ADGRL2: variants seen among roughly 807,000 people sequenced by gnomAD.
ADGRL2 encodes adhesion G protein-coupled receptor L2.
In ADGRL2, 44 loss-of-function variants were observed where a neutral mutation model predicts 157.4. That is an observed-to-expected ratio of 0.28 (90% CI 0.22 to 0.36). The LOEUF is 0.36. Among genes scored for constraint, ADGRL2 ranks in the 10% least tolerant of loss-of-function variants. ADGRL2 has a pLI of 1.00. For missense variants in ADGRL2, 1,510 were observed against 1,768.9 expected (o/e 0.85, Z 2.63); for synonymous variants, 585 against 624.7 (o/e 0.94, Z 0.95).
chr1:81,755,226 A>G (rs2085647642), intron 1 of ADGRL2, among the ~76,000 whole-genome samples: 1 of 149,146 alleles, frequency 6.7e-6, no homozygotes, highest in African/African-American at 2.4e-5. Context: ...AGATATATAC[A>G]TATATCTTCA....
chr1:81,859,504 T>C (rs2093323280), intron 2 of ADGRL2, among the ~76,000 whole-genome samples: 1 of 150,182 alleles, frequency 6.7e-6, no homozygotes, highest in Non-Finnish European at 1.5e-5. Flanking sequence ...CCTTCTGGGC[T>C]CAAGCAGTCC....
chr1:81,395,327 C>CT lies in ADGRL2; in HGVS notation c.-301-49702dup, dbSNP rs530829008. On this transcript the variant is annotated intron_variant, in intron 1 of 24. Coordinates refer to the ADGRL2 transcript ENST00000370721. Reference sequence around the variant, plus strand: ...ATATACTTCTTGGCCACTTGTATGTCTTTTTTTGAGAGAGATGCTTATTCA... The same window carrying CT: ...ATATACTTCTTGGCCACTTGTATGTCTTTTTTTTGAGAGAGATGCTTATTCA... Among the ~76,000 whole-genome samples, 347 of 152,036 alleles carry CT rather than the reference C, an allele frequency of 2.3e-3. 1 individual carries two copies. Among genetic ancestry groups the CT allele is most frequent in the African/African-American group, 7.4e-3 (306 of 41,456 alleles).
intron 2 of ADGRL2, among the ~76,000 whole-genome samples, chr1:81,849,559 C>T (rs1213483870): frequency 6.6e-6 from 1 of 151,754 alleles, no homozygotes; most frequent in Non-Finnish European, 1.5e-5. Context: ...CAAGTTAAAA[C>T]GTAATGATGT....
intron 2 of ADGRL2, among the ~76,000 whole-genome samples, chr1:81,489,418 G>A (rs940789160): frequency 2.6e-5 from 4 of 152,022 alleles, no homozygotes; most frequent in African/African-American, 9.7e-5. Flanking sequence ...TTGAGTCTGA[G>A]GAACAGAAAG....
chr1:81,344,951 C>A (rs1462733895), intron 1 of ADGRL2, among the ~76,000 whole-genome samples: 2 of 152,150 alleles, frequency 1.3e-5, no homozygotes, highest in East Asian at 3.9e-4. Context: ...ATTCATTCAT[C>A]AACTTTACTC....
chr1:81,509,084 C>A (rs544473383), intron 2 of ADGRL2, among the ~76,000 whole-genome samples: 1 of 152,330 alleles, frequency 6.6e-6, no homozygotes, highest in East Asian at 1.9e-4. Flanking sequence ...CTTTCAACCA[C>A]TGCCACATTC....
intron 1 of ADGRL2, among the ~76,000 whole-genome samples, chr1:81,319,884 G>A (rs1660389020): frequency 6.6e-6 from 1 of 152,176 alleles, no homozygotes; most frequent in South Asian, 2.1e-4. Flanking sequence ...TGCAGTGGCT[G>A]TTGCAATTTC....
chr1:81,880,951 C>T (rs2093971522), intron 2 of ADGRL2, among the ~76,000 whole-genome samples: 2 of 151,892 alleles, frequency 1.3e-5, no homozygotes, highest in Admixed American at 1.3e-4. Flanking sequence ...TTGTCTTAAA[C>T]ATTGTGGTGT....
At chr1:81,917,822 C>G (rs1041278986) in intron 3 of ADGRL2, among the ~76,000 whole-genome samples, 2 of 144,864 alleles carry the variant, frequency 1.4e-5, no homozygotes, top group African/African-American at 2.5e-5. Context: ...TTGTGGAAAT[C>G]TTACTCTGTC....
At chr1:81,941,891 TC>T in intron 4 of ADGRL2, 142 bp from the exon 5 acceptor site, 1 of 451,904 alleles carries the variant, frequency 2.2e-6, no homozygotes, top group Non-Finnish European at 3.9e-6. Flanking sequence ...TTTCTCTTTA[TC>T]CAAAGTAGTA....
intron 3 of ADGRL2, among the ~76,000 whole-genome samples, chr1:81,659,474 T>C (rs766622039): frequency 3.9e-5 from 6 of 152,090 alleles, no homozygotes; most frequent in Non-Finnish European, 8.8e-5. Flanking sequence ...TGCAAGAAAG[T>C]TTAGTATAAG....
At chr1:81,648,686 G>A (rs576659780) in intron 3 of ADGRL2, among the ~76,000 whole-genome samples, 14 of 152,198 alleles carry the variant, frequency 9.2e-5, no homozygotes, top group African/African-American at 2.6e-4. Context: ...GCTTTGCACA[G>A]CTCTTAGCAT....
intron 2 of ADGRL2, among the ~76,000 whole-genome samples, chr1:81,902,995 G>A (rs955479975): frequency 2.0e-5 from 3 of 152,044 alleles, no homozygotes; most frequent in South Asian, 2.1e-4. Flanking sequence ...ATTAATTATC[G>A]ATCACTTGAA....
rs180937368 is a variant in ADGRL2, at chr1:81,424,958, C to T, written c.-301-20078C>T. ...CTATGGAGCAGTCCTCTTCTCAGTA[C>T]TTTATAAGCTTCACCTTAAAAGATT... is the stretch of plus-strand genomic sequence containing the variant. On this transcript the variant is annotated intron_variant, in intron 1 of 24. Coordinates refer to the ADGRL2 transcript ENST00000370721. Among the ~76,000 whole-genome samples, 8 of 152,282 alleles carry T rather than the reference C, an allele frequency of 5.3e-5. No homozygotes were observed. In the East Asian group the frequency reaches 1.5e-3, roughly 29 times the overall value.
At chr1:81,985,690 T>C (rs1369409212) in intron 21 of ADGRL2, among the ~76,000 whole-genome samples, 1 of 152,016 alleles carries the variant, frequency 6.6e-6, no homozygotes, top group Non-Finnish European at 1.5e-5. Flanking sequence ...AAAACATGTG[T>C]AGTAAATCTT....
chr1:81,712,701 C>A (rs2083970468), intron 1 of ADGRL2, among the ~76,000 whole-genome samples: 1 of 151,520 alleles, frequency 6.6e-6, no homozygotes, highest in South Asian at 2.1e-4. Context: ...GTAAGATAAG[C>A]CTCAGAAAAC....
intron 21 of ADGRL2, among the ~76,000 whole-genome samples, chr1:81,986,081 C>T (rs1259632006): frequency 6.6e-6 from 1 of 151,962 alleles, no homozygotes; most frequent in Non-Finnish European, 1.5e-5. Flanking sequence ...TGTGTGGTAG[C>T]AATACTAACC....
At chr1:81,643,329 T>G (rs2082256052) in intron 3 of ADGRL2, among the ~76,000 whole-genome samples, 1 of 152,192 alleles carries the variant, frequency 6.6e-6, no homozygotes, top group Admixed American at 6.5e-5. Context: ...TGTTTGTTTT[T>G]TGAGACAGGG....
intron 3 of ADGRL2, among the ~76,000 whole-genome samples, chr1:81,673,822 T>C (rs1323128772): frequency 2.0e-5 from 3 of 152,160 alleles, no homozygotes; most frequent in Non-Finnish European, 2.9e-5. Flanking sequence ...CAGCCTCTTC[T>C]AGTTTTTTAA....
Sources: gnomAD v4.1 joint callset for allele counts (sites outside exome capture counted in the v4.1 genomes callset) on GRCh38, gnomAD v4.1.1 for gene constraint, MANE v1.5 for transcripts, NCBI Gene and HGNC (gene_info 2026-07-23, HGNC 2026-07-21) for gene names.